SHISA9: variants seen among roughly 807,000 people sequenced by gnomAD.
SHISA9 encodes shisa family member 9.
SHISA9 carries 13 observed loss-of-function variants against 38.0 expected under a neutral mutation model. That is an observed-to-expected ratio of 0.34 (90% CI 0.22 to 0.54). The LOEUF (loss-of-function observed/expected upper bound fraction) is 0.54. SHISA9 is among the 20% of genes least tolerant of loss of function. SHISA9 has a pLI of 0.91. For missense variants in SHISA9, 538 were observed against 575.8 expected (o/e 0.93, Z 0.67); for synonymous variants, 275 against 242.0 (o/e 1.14, Z -1.27).
At chr16:13,313,633 T>C in the SHISA9 span, among the ~76,000 whole-genome samples, 1 of 152,188 alleles carries the variant, frequency 6.6e-6, no homozygotes, top group Non-Finnish European at 1.5e-5. Context: ...AAAGGAAACA[T>C]TGTTTATGAA....
At chr16:13,391,369 A>C in the SHISA9 span, among the ~76,000 whole-genome samples, 1 of 152,210 alleles carries the variant, frequency 6.6e-6, no homozygotes, top group African/African-American at 2.4e-5. Flanking sequence ...TGTACAGCAG[A>C]GATTTAGCTC....
At chr16:13,197,779 T>C (rs912221029) in intron 2 of SHISA9, 1 of 152,238 alleles carries the variant, frequency 6.6e-6, no homozygotes, top group Non-Finnish European at 1.5e-5. Flanking sequence ...AAGGAGTACC[T>C]TTCCACAGAG....
intron 3 of SHISA9, among the ~76,000 whole-genome samples, chr16:13,207,750 C>A (rs2051079614): frequency 1.3e-5 from 2 of 152,178 alleles, no homozygotes; most frequent in African/African-American, 2.4e-5. Context: ...ATATAAAATG[C>A]AAATCCCATA....
chr16:13,382,461 C>T, the SHISA9 span, among the ~76,000 whole-genome samples: 9 of 139,342 alleles, frequency 6.5e-5, no homozygotes, highest in Non-Finnish European at 9.0e-5. Context: ...ACTCAGGAAG[C>T]GGAGGTTGCA....
At chr16:13,216,279 C>G (rs1425735425) in intron 4 of SHISA9, among the ~76,000 whole-genome samples, 2 of 151,676 alleles carry the variant, frequency 1.3e-5, no homozygotes, top group Non-Finnish European at 2.9e-5. Flanking sequence ...CCATCATTTG[C>G]TAGTCTTGTT....
intron 2 of SHISA9, among the ~76,000 whole-genome samples, chr16:13,050,732 G>T (rs11860020): frequency 2.6e-5 from 4 of 152,104 alleles, no homozygotes; most frequent in Non-Finnish European, 4.4e-5. Flanking sequence ...CCATGGAAGA[G>T]TTACCTGTCT....
In SHISA9 at chr16:13,209,101, C is replaced by T. The variant is rs547208282; in HGVS notation, c.848-4152C>T. Among the ~76,000 whole-genome samples the T allele has an allele frequency of 2.0e-5, 3 of 152,230 alleles. No homozygotes were observed. The East Asian group carries it at 5.8e-4, about 29-fold the overall frequency. On this transcript the variant is annotated intron_variant, in intron 3 of 4. Transcript: ENST00000558583. ...TGTAAAATGGAGATAATAATGATAA[C>T]ACACAGATAATGGCTTAGAAAATTT...
At chr16:13,195,051 G>A (rs1229455762) in intron 2 of SHISA9, among the ~76,000 whole-genome samples, 2 of 152,166 alleles carry the variant, frequency 1.3e-5, no homozygotes, top group Admixed American at 6.6e-5. Context: ...AGATATGTGT[G>A]TATATACATA....
At chr16:13,508,653 T>C in the SHISA9 span, among the ~76,000 whole-genome samples, 1 of 152,218 alleles carries the variant, frequency 6.6e-6, no homozygotes, top group African/African-American at 2.4e-5. Flanking sequence ...ATAAAATTCA[T>C]TGTAGATTTC....
At chr16:13,285,993 G>T in the SHISA9 span, among the ~76,000 whole-genome samples, 1 of 152,168 alleles carries the variant, frequency 6.6e-6, no homozygotes. Context: ...GAAAAGTCAA[G>T]CTGGGAACTG....
At chr16:13,090,318 C>G (rs1256843432) in intron 2 of SHISA9, among the ~76,000 whole-genome samples, 2 of 152,114 alleles carry the variant, frequency 1.3e-5, no homozygotes, top group African/African-American at 4.8e-5. Flanking sequence ...TCTGTTAGGT[C>G]TCCTTTTTGC....
At chr16:12,974,003 G>T (rs1475105975) in intron 2 of SHISA9, among the ~76,000 whole-genome samples, 1 of 152,226 alleles carries the variant, frequency 6.6e-6, no homozygotes, top group Admixed American at 6.5e-5. Flanking sequence ...TATTGGAAGT[G>T]AGGCCCAGAG....
rs150992358 is a variant in SHISA9, at chr16:13,155,663, G to A, written c.692-47731G>A. Among the ~76,000 whole-genome samples the A allele has an allele frequency of 7.7e-3, 1,171 of 152,182 alleles. 9 individuals carry two copies. The highest frequency in any genetic ancestry group is 0.02 in the Middle Eastern group (6 of 294). ...GGGGTAGGGCACTGTGCTAGTCAAG[G>A]TACCCAGGCCACAGCCTTTGAACTA... is the stretch of plus-strand genomic sequence containing the variant. On this transcript the variant is annotated intron_variant, in intron 2 of 4. Transcript: ENST00000558583.
chr16:13,495,225 G>A, the SHISA9 span, among the ~76,000 whole-genome samples: 1 of 152,140 alleles, frequency 6.6e-6, no homozygotes, highest in Admixed American at 6.5e-5. Flanking sequence ...ATACATGCAT[G>A]TAAAAATTGG....
intron 2 of SHISA9, among the ~76,000 whole-genome samples, chr16:13,110,880 C>T (rs13334292): frequency 0.075 from 11,488 of 152,258 alleles, 611 homozygotes; most frequent in Admixed American, 0.15. Context: ...TGATCCTCCC[C>T]TCATGGGCCT....
At chr16:13,411,003 G>C in the SHISA9 span, among the ~76,000 whole-genome samples, 3 of 152,194 alleles carry the variant, frequency 2.0e-5, no homozygotes, top group Non-Finnish European at 2.9e-5. Context: ...GAAGCTGGTA[G>C]AGTACTGGGT....
the SHISA9 span, among the ~76,000 whole-genome samples, chr16:13,395,876 A>G: frequency 6.6e-6 from 1 of 152,226 alleles, no homozygotes; most frequent in Non-Finnish European, 1.5e-5. Flanking sequence ...GCTGTTTCAA[A>G]GAGGAAGAAC....
the SHISA9 span, among the ~76,000 whole-genome samples, chr16:13,497,247 A>G: frequency 6.6e-6 from 1 of 152,168 alleles, no homozygotes; most frequent in South Asian, 2.1e-4. Flanking sequence ...TCTGTCTAAC[A>G]AATAATTGTA....
At chr16:13,338,731 A>G in the SHISA9 span, among the ~76,000 whole-genome samples, 1 of 152,128 alleles carries the variant, frequency 6.6e-6, no homozygotes, top group Non-Finnish European at 1.5e-5. Flanking sequence ...CCTGTTACAG[A>G]CTCATTTGAC....
Sources: allele counts gnomAD v4.1 joint callset (sites outside exome capture counted in the v4.1 genomes callset), GRCh38; gene constraint gnomAD v4.1.1; transcripts MANE v1.5; gene names NCBI Gene and HGNC (gene_info 2026-07-23, HGNC 2026-07-21).